The following SLC35D2 variants were observed in gnomAD, a reference collection of about 807,000 sequenced individuals.
SLC35D2 encodes nucleotide sugar transporter SLC35D2.
Under a neutral mutation model 41.8 loss-of-function variants are expected in SLC35D2, and 43 were observed. That is an observed-to-expected ratio of 1.03 (90% CI 0.81 to 1.33). The LOEUF (loss-of-function observed/expected upper bound fraction) is 1.33, where lower values mean the gene tolerates loss of function less well. SLC35D2 is among the 40% of genes most tolerant of loss of function. The pLI is 0.00. For synonymous variants in SLC35D2, 150 were observed against 163.9 expected, an observed-to-expected ratio of 0.92 and a Z score of 0.65; for missense variants, 380 against 408.4, an observed-to-expected ratio of 0.93 and a Z score of 0.60.
At chr9:96,376,205 G>A (rs1830946431) in intron 1 of SLC35D2, among the ~76,000 whole-genome samples, 1 of 149,956 alleles carries the variant, frequency 6.7e-6, no homozygotes, top group African/African-American at 2.5e-5. Flanking sequence ...TGAGGCAGGA[G>A]AATTGCTTGA....
At position 96,362,379 on chromosome 9, in the gene SLC35D2, T is replaced by C. The variant is rs1361162359; in HGVS notation, c.279+2085A>G. Among the ~76,000 whole-genome samples, 111 of 152,116 alleles carry C rather than the reference T, an allele frequency of 7.3e-4. 1 individual carries two copies. Among genetic ancestry groups the C allele is most frequent in the Non-Finnish European group, 8.8e-5 (6 of 68,018 alleles). Reference sequence around the variant, plus strand: ...AAAATTGGCCGGGCATGGCGGCGCATGCCTGTAATCCCAGCCACTCGGGAG... The same window carrying C: ...AAAATTGGCCGGGCATGGCGGCGCACGCCTGTAATCCCAGCCACTCGGGAG... On this transcript the variant is annotated intron_variant, in intron 3 of 11. Coordinates refer to ENST00000253270, the MANE Select transcript of SLC35D2 (RefSeq NM_007001.3).
intron 10 of SLC35D2, 25 bp downstream of exon 10, chr9:96,324,066 C>G (rs1427826448): frequency 3.8e-6 from 6 of 1,588,702 alleles, no homozygotes; most frequent in Non-Finnish European, 5.2e-6. Flanking sequence ...CTCAGTTGTT[C>G]CCTTCCAAGT....
At chr9:96,335,903 A>G (rs1417479979) in intron 9 of SLC35D2, among the ~76,000 whole-genome samples, 10 of 152,010 alleles carry the variant, frequency 6.6e-5, no homozygotes, top group Non-Finnish European at 1.5e-5. Context: ...AATACAAAAA[A>G]TTAGCCAAGT....
At chr9:96,348,472 T>G (rs1829672945) in intron 6 of SLC35D2, among the ~76,000 whole-genome samples, 1 of 152,160 alleles carries the variant, frequency 6.6e-6, no homozygotes, top group South Asian at 2.1e-4. Context: ...ATGGGGTGCA[T>G]CTGGTGAGTG....
chr9:96,346,800 A>G (rs569181557), intron 6 of SLC35D2, among the ~76,000 whole-genome samples: 10 of 152,074 alleles, frequency 6.6e-5, no homozygotes, highest in African/African-American at 2.4e-4. Context: ...TTTAGTCATC[A>G]TAAGTCAGAA....
Position 96,383,478 on chromosome 9 carries a change from CGTAG to C in SLC35D2, c.153_156del (p.Tyr52ValfsTer17). On this transcript the variant is annotated frameshift_variant and splice_region_variant, in exon 1 of 12. Coordinates refer to ENST00000253270, the MANE Select transcript of SLC35D2 (RefSeq NM_007001.3). LOFTEE classifies it high-confidence loss of function. ...CCCCGGCCCCGGGCCCCGCCTCACC[CGTAG>C]GTGGTCAGCAGCGCCTTGTTGACAA... is the stretch of plus-strand genomic sequence containing the variant. The C allele has an allele frequency of 6.5e-7, 1 of 1,535,450 alleles. No individual in the cohort carries two copies. The highest frequency in any genetic ancestry group is 8.8e-7 in the Non-Finnish European group (1 of 1,140,374).
chr9:96,332,792 C>A (rs1051561116), intron 9 of SLC35D2, among the ~76,000 whole-genome samples: 1 of 151,662 alleles, frequency 6.6e-6, no homozygotes, highest in Non-Finnish European at 1.5e-5. Flanking sequence ...ACAAAAAAGA[C>A]CCACTTTGGA....
chr9:96,343,894 A>G lies in SLC35D2; in HGVS notation c.684+10T>C, dbSNP rs752658292. ...GCTAAGGAAAACTGTAATGATTGTC[A>G]TCAGCTCACCTGTTGCAGGTCTCCA... is the stretch of plus-strand genomic sequence containing the variant. On this transcript the variant is annotated intron_variant, in intron 8 of 11. Transcript: ENST00000253270. 6.7e-7 allele frequency: 1 copy of G among 1,502,522 alleles called. No homozygotes were observed. The highest frequency in any genetic ancestry group is 1.4e-5 in the African/African-American group (1 of 69,290). The allele number at this position is 1,502,522 out of a possible 1,614,324, so 93.1% of individuals were successfully genotyped here.
chr9:96,358,846 G>A (rs930013985), intron 4 of SLC35D2, among the ~76,000 whole-genome samples: 2 of 151,586 alleles, frequency 1.3e-5, no homozygotes, highest in Admixed American at 1.3e-4. Context: ...AAAATTAGCT[G>A]GGCACGGTGG....
At chr9:96,361,667 A>G (rs532002908) in intron 3 of SLC35D2, among the ~76,000 whole-genome samples, 81 of 152,116 alleles carry the variant, frequency 5.3e-4, no homozygotes, top group African/African-American at 1.9e-3. Context: ...CTTGGGTGAC[A>G]GAGCTAGACC....
At chr9:96,337,800 G>T (rs1042232334) in intron 8 of SLC35D2, among the ~76,000 whole-genome samples, 1 of 151,576 alleles carries the variant, frequency 6.6e-6, no homozygotes, top group South Asian at 2.1e-4. Flanking sequence ...TGGCCAACAT[G>T]GTGAAACCCT....
At chr9:96,338,553 C>T (rs1829159142) in intron 8 of SLC35D2, among the ~76,000 whole-genome samples, 2 of 95,096 alleles carry the variant, frequency 2.1e-5, no homozygotes, top group African/African-American at 7.0e-5. Flanking sequence ...GAGACCCTGT[C>T]TCAAAAAAAA....
intron 7 of SLC35D2, among the ~76,000 whole-genome samples, chr9:96,344,529 A>AT (rs745811048): frequency 0.16 from 11,070 of 69,478 alleles, 1,214 homozygotes; most frequent in East Asian, 0.36. Flanking sequence ...AAAAAAAAAA[A>AT]GGCCATGCAG....
intron 1 of SLC35D2, among the ~76,000 whole-genome samples, chr9:96,379,231 C>G (rs1233541924): frequency 6.6e-6 from 1 of 151,284 alleles, no homozygotes; most frequent in Non-Finnish European, 1.5e-5. Flanking sequence ...CACTTGAGCC[C>G]AGGAGGTAGA....
chr9:96,381,996 T>C (rs544534566), intron 1 of SLC35D2, among the ~76,000 whole-genome samples: 1 of 152,304 alleles, frequency 6.6e-6, no homozygotes, highest in African/African-American at 2.4e-5. Context: ...CGTTTATTCA[T>C]GAACCTACCT....
intron 1 of SLC35D2, among the ~76,000 whole-genome samples, chr9:96,375,820 C>A (rs1448524999): frequency 6.6e-6 from 1 of 152,008 alleles, no homozygotes; most frequent in Non-Finnish European, 1.5e-5. Flanking sequence ...GAGTTTGTGA[C>A]CAGCCTGGCC....
At chr9:96,372,915 T>G (rs948109106) in intron 1 of SLC35D2, among the ~76,000 whole-genome samples, 1 of 151,194 alleles carries the variant, frequency 6.6e-6, no homozygotes, top group East Asian at 1.9e-4. Context: ...TTGTTTTTTT[T>G]TTTTGAGACA....
At chr9:96,324,693 C>T (rs1186282944) in intron 9 of SLC35D2, among the ~76,000 whole-genome samples, 2 of 152,024 alleles carry the variant, frequency 1.3e-5, no homozygotes, top group South Asian at 2.1e-4. Context: ...GCTGGGACTA[C>T]AGGCTCATGC....
At chr9:96,370,286 C>T (rs567848604) in intron 1 of SLC35D2, among the ~76,000 whole-genome samples, 15 of 152,294 alleles carry the variant, frequency 9.8e-5, no homozygotes, top group East Asian at 5.8e-4. Context: ...ATATTTCCTA[C>T]GCCTCTGAGA....
Sources: allele counts gnomAD v4.1 joint callset (sites outside exome capture counted in the v4.1 genomes callset), GRCh38; gene constraint gnomAD v4.1.1; transcripts MANE v1.5; gene names NCBI Gene and HGNC (gene_info 2026-07-23, HGNC 2026-07-21).